Variants in ENOX1 observed in about 807,000 individuals in gnomAD.
The protein encoded by ENOX1 is candidate growth-related and time keeping constitutive hydroquinone (NADH) oxidase.
Under a neutral mutation model 82.5 loss-of-function variants are expected in ENOX1, and 42 were observed. The ratio of observed to expected loss-of-function variants is 0.51; its 90% CI spans 0.40 to 0.66. ENOX1 has a LOEUF of 0.66. Among genes scored for constraint, ENOX1 ranks in the 30% least tolerant of loss-of-function variants. The pLI, the probability that ENOX1 is intolerant of heterozygous loss-of-function variation, is 0.00. For synonymous variants in ENOX1, 271 were observed against 282.2 expected, an observed-to-expected ratio of 0.96 and a Z score of 0.40; for missense variants, 608 against 811.6, an observed-to-expected ratio of 0.75 and a Z score of 3.05.
intron 1 of ENOX1, among the ~76,000 whole-genome samples, chr13:43,675,928 G>A (rs1177396708): frequency 6.6e-6 from 1 of 152,188 alleles, no homozygotes; most frequent in African/African-American, 2.4e-5. Context: ...AAATGTGGCT[G>A]ATAAAACCAA....
At chr13:43,311,232 G>C (rs2047182680) in intron 11 of ENOX1, among the ~76,000 whole-genome samples, 1 of 152,002 alleles carries the variant, frequency 6.6e-6, no homozygotes, top group Non-Finnish European at 1.5e-5. Context: ...AGGAGTGCTA[G>C]AGAAAGAGAA....
intron 1 of ENOX1, among the ~76,000 whole-genome samples, chr13:43,765,933 T>C (rs561536775): frequency 6.6e-6 from 1 of 152,338 alleles, no homozygotes; most frequent in African/African-American, 2.4e-5. Flanking sequence ...GTATCTTTCT[T>C]CTCATAAAAA....
At chr13:43,589,216 G>GAAAAAAAAAAAAAAAAAAAAAAA (rs58912569) in intron 2 of ENOX1, among the ~76,000 whole-genome samples, 1 of 79,768 alleles carries the variant, frequency 1.3e-5, no homozygotes, top group Non-Finnish European at 2.2e-5. Flanking sequence ...GACATTAATG[G>GAAAAAAAAAAAAAAAAAAAAAAA]AAAAAAAAAA....
At chr13:43,525,547 G>A (rs2077953211) in intron 2 of ENOX1, among the ~76,000 whole-genome samples, 1 of 151,960 alleles carries the variant, frequency 6.6e-6, no homozygotes, top group Non-Finnish European at 1.5e-5. Context: ...GTTTTTTTGA[G>A]GAACTGTCCT....
At chr13:43,733,923 C>A (rs1403059052) in intron 1 of ENOX1, among the ~76,000 whole-genome samples, 4 of 152,048 alleles carry the variant, frequency 2.6e-5, no homozygotes, top group African/African-American at 9.7e-5. Flanking sequence ...TGTGCCACTG[C>A]AATACAGCCT....
chr13:43,353,952 A>G (rs772805538), intron 8 of ENOX1, among the ~76,000 whole-genome samples: 1 of 152,252 alleles, frequency 6.6e-6, no homozygotes, highest in Non-Finnish European at 1.5e-5. Flanking sequence ...CACATACTTC[A>G]TACGTGCGGA....
rs539518603 is a variant in ENOX1, at chr13:43,216,503, G to C, written c.1801-2382C>G. Among the ~76,000 whole-genome samples the C allele has an allele frequency of 3.9e-5, 6 of 152,260 alleles. No individual in the cohort carries two copies. The East Asian group carries it at 1.2e-3, about 29-fold the overall frequency. ...ATGTGGTCAAAACTAGTTTTTCATA[G>C]GTCCAGGAGGCAGCTTTTTTTAAGC... On this transcript the variant is annotated intron_variant, in intron 16 of 16. Transcript: ENST00000690772.
intron 1 of ENOX1, among the ~76,000 whole-genome samples, chr13:43,702,551 T>C (rs2086965205): frequency 6.6e-6 from 1 of 151,954 alleles, no homozygotes; most frequent in African/African-American, 2.4e-5. Flanking sequence ...TCAAAATGTG[T>C]CCCCCCAAAA....
intron 12 of ENOX1, among the ~76,000 whole-genome samples, chr13:43,282,875 G>C (rs557762381): frequency 6.6e-6 from 1 of 151,748 alleles, no homozygotes; most frequent in Admixed American, 6.6e-5. Flanking sequence ...GGTAGATCAC[G>C]AGGTCAGGAG....
Position 43,608,488 on chromosome 13 carries a change from T to C in ENOX1, c.-219+58991A>G, listed in dbSNP as rs115098750. On this transcript the variant is annotated intron_variant, in intron 2 of 16. Transcript: ENST00000690772. ...CTTTGAAAGAGTACACTGAATATTA[T>C]ACAACTTCTTCTTGATGACTGAGGG... 2.6e-3 allele frequency among the ~76,000 whole-genome samples: 392 copies of C among 152,246 alleles called. 3 individuals carry two copies. The highest frequency in any genetic ancestry group is 9.0e-3 in the African/African-American group (376 of 41,554).
At chr13:43,681,386 A>G (rs1375451259) in intron 1 of ENOX1, among the ~76,000 whole-genome samples, 1 of 152,098 alleles carries the variant, frequency 6.6e-6, no homozygotes, top group Admixed American at 6.6e-5. Context: ...CCCTAAGTCC[A>G]CACCATTTCC....
At chr13:43,253,377 A>G (rs911925141) in intron 14 of ENOX1, among the ~76,000 whole-genome samples, 5 of 152,192 alleles carry the variant, frequency 3.3e-5, no homozygotes, top group African/African-American at 7.2e-5. Context: ...CCAGTGAGCT[A>G]TGTGTCAATG....
intron 9 of ENOX1, among the ~76,000 whole-genome samples, chr13:43,338,967 G>T (rs1159050678): frequency 2.0e-5 from 3 of 152,160 alleles, no homozygotes; most frequent in Non-Finnish European, 4.4e-5. Flanking sequence ...TTACAGGCGT[G>T]AGCCACCGTG....
intron 2 of ENOX1, among the ~76,000 whole-genome samples, chr13:43,532,896 A>G (rs1320490379): frequency 6.6e-6 from 1 of 150,612 alleles, no homozygotes; most frequent in Non-Finnish European, 1.5e-5. Context: ...TATTAAATAT[A>G]TATATTAAAA....
chr13:43,691,408 C>A (rs1255749011), intron 1 of ENOX1, among the ~76,000 whole-genome samples: 1 of 151,730 alleles, frequency 6.6e-6, no homozygotes, highest in African/African-American at 2.4e-5. Context: ...AAAAAAAAAA[C>A]TATCTAAAAC....
intron 2 of ENOX1, among the ~76,000 whole-genome samples, chr13:43,506,823 A>G (rs1234403786): frequency 1.4e-5 from 2 of 142,204 alleles, no homozygotes; most frequent in Non-Finnish European, 3.1e-5. Flanking sequence ...ACATCACACA[A>G]CGGGGAATGT....
At chr13:43,353,621 G>C (rs997288131) in intron 8 of ENOX1, among the ~76,000 whole-genome samples, 1 of 152,254 alleles carries the variant, frequency 6.6e-6, no homozygotes, top group African/African-American at 2.4e-5. Context: ...TCCTCTCTAA[G>C]GCAGCCAATT....
intron 15 of ENOX1, among the ~76,000 whole-genome samples, chr13:43,234,511 T>C (rs542382618): frequency 6.6e-6 from 1 of 152,310 alleles, no homozygotes; most frequent in East Asian, 1.9e-4. Flanking sequence ...ACCCCCTGTT[T>C]CTCTTTTGCT....
intron 16 of ENOX1, among the ~76,000 whole-genome samples, chr13:43,222,931 C>T (rs567960103): frequency 1.3e-5 from 2 of 152,310 alleles, no homozygotes; most frequent in South Asian, 4.1e-4. Context: ...AATTCTCTAA[C>T]TCCTTTCACC....
Sources: allele counts gnomAD v4.1 joint callset (sites outside exome capture counted in the v4.1 genomes callset), GRCh38; gene constraint gnomAD v4.1.1; transcripts MANE v1.5; gene names NCBI Gene and HGNC (gene_info 2026-07-23, HGNC 2026-07-21).